Variants in OGT observed in about 807,000 individuals in gnomAD.
The protein encoded by OGT is UDP-N-acetylglucosamine--peptide N-acetylglucosaminyltransferase 110 kDa subunit.
In OGT, 3 loss-of-function variants were observed where a neutral mutation model predicts 75.8. The observed-to-expected ratio is 0.04, with a 90% CI of 0.02 to 0.10. The LOEUF is 0.10. Ranked by LOEUF, OGT falls within the 10% of genes least tolerant of loss-of-function variation. The probability of loss-of-function intolerance (pLI) is 1.00; values close to 1 mark genes in which losing one functional copy is unlikely to be tolerated. For synonymous variants in OGT, 257 were observed against 289.7 expected (o/e 0.89, Z 1.15); for missense variants, 260 against 824.4 (o/e 0.32, Z 8.38).
At chrX:71,554,898 G>A (rs2040331811) in intron 6 of OGT, among the ~76,000 whole-genome samples, 2 of 111,979 alleles carry the variant, frequency 1.8e-5, no homozygotes, top group South Asian at 7.3e-4. Flanking sequence ...ATTTTAGAAA[G>A]CAAAGTAAAT....
chrX:71,559,730 A>G, intron 14 of OGT, 53 bp downstream of exon 14: 1 of 940,483 alleles, frequency 1.1e-6, no homozygotes, highest in Non-Finnish European at 1.5e-6. Flanking sequence ...TTTAAATAAA[A>G]CTATTAGCAT....
chrX:71,547,011 C>G (rs2040264441), intron 4 of OGT: 1 of 754,829 alleles, frequency 1.3e-6, no homozygotes. Flanking sequence ...TGGCCGTTTG[C>G]TGCGTCTAGG....
chrX:71,535,128 T>G (rs1319198424), intron 1 of OGT, among the ~76,000 whole-genome samples: 2 of 108,631 alleles, frequency 1.8e-5, no homozygotes, highest in Non-Finnish European at 3.8e-5. Flanking sequence ...ACAAGCAGTT[T>G]TTTTTTTTTT....
intron 19 of OGT, 23 bp downstream of exon 19, chrX:71,564,776 G>A (rs1244096982): frequency 2.7e-6 from 3 of 1,116,221 alleles, no homozygotes; most frequent in Non-Finnish European, 3.7e-6. Flanking sequence ...GTATGTTAGA[G>A]ACTAATAAAG....
chrX:71,543,766 GTATATATATA>G (rs397895363), intron 3 of OGT, among the ~76,000 whole-genome samples: 2,096 of 78,278 alleles, frequency 0.027, 95 homozygotes, highest in African/African-American at 0.1. Flanking sequence ...GTGTGTGTGT[GTATATATATA>G]TATATATATA....
At chrX:71,556,131 T>C in intron 8 of OGT, 37 bp downstream of exon 8, 1 of 1,181,531 alleles carries the variant, frequency 8.5e-7, no homozygotes, top group Non-Finnish European at 1.1e-6. Context: ...TTTAGCATGA[T>C]AGTAGAGGGA....
At chrX:71,563,537 A>G (rs2040398088) in intron 18 of OGT, 38 bp downstream of exon 18, 9 of 1,056,583 alleles carry the variant, frequency 8.5e-6, no homozygotes, top group Non-Finnish European at 1.2e-5. Flanking sequence ...TGTCCCGCCA[A>G]GTATGCATTT....
rs769366876 is a variant in OGT at position 71,544,617 on chromosome X, T to C, written c.513T>C (p.Gly171=). Residue 171 remains glycine, a synonymous_variant, in exon 4 of 22, where the codon GGT becomes GGC. Transcript: ENST00000373719. ...TGGGGAACCTGCTCAAAGCCCTGGGTCGCTTGGAAGAAGCCAAGGTAGGTG... is the reference window on the plus strand; with the variant it reads ...TGGGGAACCTGCTCAAAGCCCTGGGCCGCTTGGAAGAAGCCAAGGTAGGTG... ...SDLGNLLKAL[G]RLEEAKACYL... 4.1e-6 allele frequency: 5 copies of C among 1,209,454 alleles called. No homozygotes were observed. In the South Asian group the frequency reaches 8.8e-5, roughly 21 times the overall value.
chrX:71,562,774 T>C, intron 15 of OGT, 73 bp from the exon 16 acceptor site: 2 of 922,123 alleles, frequency 2.2e-6, no homozygotes, highest in East Asian at 3.1e-5. Context: ...ATTTAATGTA[T>C]GTGACTTGAT....
intron 12 of OGT, 93 bp downstream of exon 12, chrX:71,557,765 T>A: frequency 2.5e-6 from 2 of 788,106 alleles, no homozygotes; most frequent in African/African-American, 2.1e-5. Flanking sequence ...TGAACGATTA[T>A]AAAGTGAACA....
At chrX:71,556,657 G>T in intron 8 of OGT, 23 bp from the exon 9 acceptor site, 1 of 1,064,223 alleles carries the variant, frequency 9.4e-7, no homozygotes, top group East Asian at 3.2e-5. Context: ...TTTAACCTCA[G>T]TTCTGATCTT....
intron 3 of OGT, among the ~76,000 whole-genome samples, chrX:71,541,210 C>T (rs1313356221): frequency 8.9e-6 from 1 of 112,119 alleles, no homozygotes; most frequent in Non-Finnish European, 1.9e-5. Context: ...GAATGGAGAG[C>T]TGCTGGCATC....
At chrX:71,565,519 G>A (rs897520991) in intron 19 of OGT, among the ~76,000 whole-genome samples, 8 of 111,807 alleles carry the variant, frequency 7.2e-5, no homozygotes, top group African/African-American at 2.3e-4. Flanking sequence ...GTGAGCCACC[G>A]CACCTGGCCT....
At chrX:71,533,746 T>C (rs1205053447) in intron 1 of OGT, among the ~76,000 whole-genome samples, 1 of 108,890 alleles carries the variant, frequency 9.2e-6, no homozygotes, top group African/African-American at 3.4e-5. Flanking sequence ...ATCTCCTCCT[T>C]CATCTCCCCC....
At chrX:71,536,058 A>G in intron 1 of OGT, 120 bp from the exon 2 acceptor site, 1 of 563,556 alleles carries the variant, frequency 1.8e-6, no homozygotes, top group Non-Finnish European at 2.8e-6. Context: ...AGTGCTTTAC[A>G]TAGTTTCAAG....
At position 71,564,804 on chromosome X, in the gene OGT, T is replaced by G. The variant is rs1464977288; in HGVS notation, c.2589+51T>G. The G allele has an allele frequency of 1.9e-5, 19 of 984,991 alleles. 1 individual carries two copies. The highest frequency in any genetic ancestry group is 2.5e-5 in the Non-Finnish European group (18 of 709,296). 81.2% of individuals were successfully genotyped at this position (984,991 alleles called of 1,213,427 possible). ...TAATAAAGATTTTGTATCTAGAGCT[T>G]CTTGCTGAAGATGGTCCTTCCACTC... On this transcript the variant is annotated intron_variant, in intron 19 of 21. Coordinates refer to ENST00000373719, the MANE Select transcript of OGT (RefSeq NM_181672.3).
At chrX:71,569,165 A>G (rs2040436859) in intron 21 of OGT, among the ~76,000 whole-genome samples, 1 of 111,147 alleles carries the variant, frequency 9.0e-6, no homozygotes, top group Non-Finnish European at 1.9e-5. Context: ...CCCCTCTACT[A>G]AAAATACAAA....
rs999881851 is a variant in OGT at position 71,558,362 on chromosome X, G to A, written c.1602+690G>A. 1.6e-4 allele frequency among the ~76,000 whole-genome samples: 17 copies of A among 108,778 alleles called. No individual in the cohort carries two copies. The Admixed American group carries it at 1.6e-3, about 10-fold the overall frequency. The allele number at this position is 108,778 out of a possible 115,157, so 94.5% of individuals were successfully genotyped here. A position where few individuals can be genotyped will look rare whatever the true frequency, so the allele number is the denominator to read the frequency against. ...TGGATAATAGATTGGAGTGCTAGGTGTACTTTTTTTTTTTTTTTGAGACAT... is the reference window on the plus strand; with the variant it reads ...TGGATAATAGATTGGAGTGCTAGGTATACTTTTTTTTTTTTTTTGAGACAT... On this transcript the variant is annotated intron_variant, in intron 12 of 21. Coordinates refer to ENST00000373719, the MANE Select transcript of OGT (RefSeq NM_181672.3).
At chrX:71,560,990 C>T (rs1024374434) in intron 14 of OGT, among the ~76,000 whole-genome samples, 1 of 109,566 alleles carries the variant, frequency 9.1e-6, no homozygotes, top group African/African-American at 3.3e-5. Flanking sequence ...TGCAGTGGCA[C>T]GATCTCGGCT....
Sources: gnomAD v4.1 joint callset for allele counts (sites outside exome capture counted in the v4.1 genomes callset) on GRCh38, gnomAD v4.1.1 for gene constraint, MANE v1.5 for transcripts, NCBI Gene and HGNC (gene_info 2026-07-23, HGNC 2026-07-21) for gene names.